The following ATPSCKMT variants were observed in gnomAD, a reference collection of about 807,000 sequenced individuals.
ATPSCKMT encodes the protein ATP synthase subunit C lysine N-methyltransferase.
Under a neutral mutation model 24.3 loss-of-function variants are expected in ATPSCKMT, and 24 were observed. The ratio of observed to expected loss-of-function variants is 0.99; its 90% CI spans 0.71 to 1.39. The LOEUF (loss-of-function observed/expected upper bound fraction) is 1.39, where lower values mean the gene tolerates loss of function less well. ATPSCKMT is among the 40% of genes most tolerant of loss of function. The probability of loss-of-function intolerance (pLI) is 0.00; values close to 1 mark genes in which losing one functional copy is unlikely to be tolerated. For synonymous variants in ATPSCKMT, 95 were observed against 110.5 expected, an observed-to-expected ratio of 0.86 and a Z score of 0.88; for missense variants, 311 against 298.4, an observed-to-expected ratio of 1.04 and a Z score of -0.31.
At chr5:10,246,682 CA>C (rs1744946820) in intron 1 of ATPSCKMT, among the ~76,000 whole-genome samples, 1 of 152,176 alleles carries the variant, frequency 6.6e-6, no homozygotes. Context: ...TAAACAAACA[CA>C]AGTCAGATGA....
At chr5:10,232,676 G>A (rs1744203465) in intron 4 of ATPSCKMT, among the ~76,000 whole-genome samples, 1 of 152,262 alleles carries the variant, frequency 6.6e-6, no homozygotes, top group South Asian at 2.1e-4. Flanking sequence ...CAGGCTCTGG[G>A]AAGAGCAGCA....
At chr5:10,236,354 C>T in intron 3 of ATPSCKMT, 124 bp downstream of exon 3, 1 of 1,194,236 alleles carries the variant, frequency 8.4e-7, no homozygotes, top group Non-Finnish European at 1.1e-6. Flanking sequence ...TTCATTATGC[C>T]AGAATATTCA....
chr5:10,238,979 A>T (rs1714258318), intron 2 of ATPSCKMT, 88 bp downstream of exon 2: 1 of 1,456,984 alleles, frequency 6.9e-7, no homozygotes, highest in Non-Finnish European at 9.2e-7. Context: ...TGTCAGATTT[A>T]GTTAAGTCTT....
At chr5:10,244,703 G>C (rs970182320) in intron 1 of ATPSCKMT, among the ~76,000 whole-genome samples, 1 of 152,052 alleles carries the variant, frequency 6.6e-6, no homozygotes, top group African/African-American at 2.4e-5. Context: ...CTTGAAGCCA[G>C]GAGTTCAAGA....
chr5:10,249,533 G>A (rs867476697), intron 1 of ATPSCKMT: 6 of 357,534 alleles, frequency 1.7e-5, no homozygotes, highest in Middle Eastern at 7.2e-4. Flanking sequence ...CAGCTAGGAA[G>A]AGCGGCAGAA....
At chr5:10,229,880 T>C (rs7736719) in intron 4 of ATPSCKMT, among the ~76,000 whole-genome samples, 26,531 of 152,278 alleles carry the variant, frequency 0.17, 3,802 homozygotes, top group East Asian at 0.76. Flanking sequence ...CTCTGTCCTT[T>C]GGACATGCTG....
chr5:10,229,818 G>A (rs1390943316), intron 4 of ATPSCKMT, among the ~76,000 whole-genome samples: 7 of 152,104 alleles, frequency 4.6e-5, no homozygotes, highest in Admixed American at 4.6e-4. Context: ...TTGTGTATTC[G>A]AATGCTCGAA....
At chr5:10,245,487 T>G (rs571491617) in intron 1 of ATPSCKMT, among the ~76,000 whole-genome samples, 1 of 152,106 alleles carries the variant, frequency 6.6e-6, no homozygotes, top group Non-Finnish European at 1.5e-5. Context: ...GGCTCATGCA[T>G]GTAATCCCAG....
Position 10,240,996 on chromosome 5 carries a change from C to CAA in ATPSCKMT, c.17-1642_17-1641dup, listed in dbSNP as rs57093278. ...GGGCAACAAGAGTGAAACTCCATGT[C>CAA]AAAAAAAAAAAAAAAGAAAAGAAAA... On this transcript the variant is annotated intron_variant, in intron 1 of 4. Coordinates refer to ENST00000511437, the MANE Select transcript of ATPSCKMT (RefSeq NM_199133.4). Among the ~76,000 whole-genome samples the CAA allele has an allele frequency of 7.5e-3, 925 of 122,866 alleles. 19 individuals are homozygous for CAA. Among genetic ancestry groups the CAA allele is most frequent in the African/African-American group, 0.026 (860 of 33,156 alleles). 80.6% of individuals were successfully genotyped at this position (122,866 alleles called of 152,430 possible).
intron 1 of ATPSCKMT, chr5:10,249,548 G>GA (rs752345528): frequency 5.4e-6 from 2 of 371,782 alleles, no homozygotes; most frequent in Non-Finnish European, 9.5e-6. Flanking sequence ...GCAGAACTGC[G>GA]ATTCCAATCC....
At chr5:10,247,507 AT>A (rs1397529372) in intron 1 of ATPSCKMT, among the ~76,000 whole-genome samples, 2 of 152,090 alleles carry the variant, frequency 1.3e-5, no homozygotes, top group African/African-American at 2.4e-5. Context: ...CACCCAGCTA[AT>A]TTTTTAAATT....
intron 4 of ATPSCKMT, 94 bp from the exon 5 acceptor site, chr5:10,227,741 A>T: frequency 8.7e-7 from 1 of 1,149,174 alleles, no homozygotes; most frequent in Non-Finnish European, 1.3e-6. Flanking sequence ...AAAATACCTG[A>T]GCAAAAATTA....
At chr5:10,245,304 C>G (rs1744862727) in intron 1 of ATPSCKMT, among the ~76,000 whole-genome samples, 1 of 152,038 alleles carries the variant, frequency 6.6e-6, no homozygotes, top group African/African-American at 2.4e-5. Context: ...CCTGTAGTCC[C>G]AGCTACTTGA....
rs571356943 is a variant in ATPSCKMT at position 10,236,601 on chromosome 5, C to T, written c.321G>A (p.Ala107=). Residue 107 remains alanine (A), a synonymous_variant, in exon 3 of 5, where the codon GCG becomes GCA. Coordinates refer to ENST00000511437, the MANE Select transcript of ATPSCKMT (RefSeq NM_199133.4). The part of the protein sequence containing the change: ...SGDGRIVIAA[A]KKGFTAVGYE... Reference sequence around the variant, plus strand: ...AACCAACTGCTGTGAACCCTTTCTTCGCAGCCGCTATGACCTGTGGAGAGA... The same window carrying T: ...AACCAACTGCTGTGAACCCTTTCTTTGCAGCCGCTATGACCTGTGGAGAGA... The T allele has an allele frequency of 2.9e-5, 47 of 1,614,122 alleles. No homozygotes were observed. The East Asian group carries it at 6.7e-4, about 23-fold the overall frequency.
At chr5:10,236,940 C>G in intron 2 of ATPSCKMT, 2 of 1,340,002 alleles carry the variant, frequency 1.5e-6, no homozygotes, top group Non-Finnish European at 2.0e-6. Context: ...TGCTGAAAAT[C>G]CACTGCATCT....
At chr5:10,249,211 G>C (rs966391737) in intron 1 of ATPSCKMT, among the ~76,000 whole-genome samples, 10 of 148,768 alleles carry the variant, frequency 6.7e-5, no homozygotes, top group Non-Finnish European at 1.0e-4. Flanking sequence ...GGAGGCTGCA[G>C]TGAGCCGAGA....
At chr5:10,235,636 C>A (rs1744342042) in intron 3 of ATPSCKMT, among the ~76,000 whole-genome samples, 1 of 152,190 alleles carries the variant, frequency 6.6e-6, no homozygotes, top group African/African-American at 2.4e-5. Context: ...CCACTCTATA[C>A]CACCAGCTTC....
At chr5:10,245,436 A>G (rs984666664) in intron 1 of ATPSCKMT, among the ~76,000 whole-genome samples, 1 of 151,456 alleles carries the variant, frequency 6.6e-6, no homozygotes, top group Non-Finnish European at 1.5e-5. Context: ...TAATAATAAA[A>G]TAAAATAAAT....
Position 10,227,584 on chromosome 5 carries a change from G to C in ATPSCKMT, c.559C>G (p.Arg187Gly). ...GGAGTCCAATGTGGGAAAGGGAACC[G>C]GCAAGCAATAACTCGTGCATCATCC... ...LEDDARVIAC[R>G]FPFPHWTPDH... is the part of the protein sequence containing the mutation. The change falls in exon 5 of 5, where the codon CGG becomes GGG. Residue 187 changes from arginine to glycine, a missense_variant. By Grantham distance (125) the Arg-to-Gly change is moderately radical. Transcript: ENST00000511437. 1 of 1,614,180 alleles carries C rather than the reference G, an allele frequency of 6.2e-7. No homozygotes were observed.
Sources: gnomAD v4.1 joint callset for allele counts (sites outside exome capture counted in the v4.1 genomes callset) on GRCh38, gnomAD v4.1.1 for gene constraint, MANE v1.5 for transcripts, NCBI Gene and HGNC (gene_info 2026-07-23, HGNC 2026-07-21) for gene names.